Variants in GPR132 observed in about 807,000 individuals in gnomAD.
GPR132 encodes the protein G protein-coupled receptor 132, also known as probable G protein-coupled receptor 132.
A neutral mutation model predicts 1.9 loss-of-function variants in GPR132; 4 were observed. The ratio of observed to expected loss-of-function variants is 2.13; its 90% confidence interval spans 1.05 to 4.87. The LOEUF (loss-of-function observed/expected upper bound fraction) is 4.87. Among genes scored for constraint, GPR132 ranks in the 30% most tolerant of loss-of-function variants. The pLI is 0.01. For missense variants in GPR132, 404 were observed against 512.5 expected (o/e 0.79, Z 2.04); for synonymous variants, 233 against 234.2 (o/e 0.99, Z 0.05).
intron 3 of GPR132, 115 bp from the exon 4 acceptor site, chr14:105,052,217 G>T (rs1595134662): frequency 5.0e-6 from 4 of 792,212 alleles, no homozygotes; most frequent in Non-Finnish European, 5.8e-6. Flanking sequence ...ACACACGCAG[G>T]TGTTTAAAAC....
chr14:105,063,876 G>A (rs972920448), intron 1 of GPR132, among the ~76,000 whole-genome samples: 1 of 150,942 alleles, frequency 6.6e-6, no homozygotes, highest in Non-Finnish European at 1.5e-5. Flanking sequence ...TTTCGCTCTC[G>A]TTGCCCAGGC....
chr14:105,062,536 TTTTC>T (rs1280665644), intron 1 of GPR132, among the ~76,000 whole-genome samples: 5 of 149,116 alleles, frequency 3.4e-5, no homozygotes, highest in South Asian at 2.1e-4. Context: ...TTTTCTTTTC[TTTTC>T]TTTTTTTTTT....
Position 105,059,160 on chromosome 14 carries a change from G to A in GPR132, c.-860-1880C>T, listed in dbSNP as rs1355853340. 1.3e-5 allele frequency among the ~76,000 whole-genome samples: 2 copies of A among 152,224 alleles called. No homozygotes were observed. The highest frequency in any genetic ancestry group is 2.9e-5 in the Non-Finnish European group (2 of 68,036). Reference sequence around the variant, plus strand: ...CCAGGGCAGGGCCGGCCCGGCTGCGGGCAGAGCCCCTACACAGCAAGGCCC... The same window carrying A: ...CCAGGGCAGGGCCGGCCCGGCTGCGAGCAGAGCCCCTACACAGCAAGGCCC... On this transcript the variant is annotated intron_variant, in intron 1 of 3. Coordinates refer to ENST00000329797, the MANE Select transcript of GPR132 (RefSeq NM_013345.4). This position sits in a 1 kb window ranked among gnomAD's most constrained non-coding sequence, Gnocchi z 4.2.
At chr14:105,058,591 T>C (rs1444130994) in intron 1 of GPR132, among the ~76,000 whole-genome samples, 1 of 152,370 alleles carries the variant, frequency 6.6e-6, no homozygotes, top group South Asian at 2.1e-4. Flanking sequence ...GCAATATGTT[T>C]CCAAAAATCT....
Position 105,056,820 on chromosome 14 carries a change from A to G in GPR132, c.-747+347T>C, listed in dbSNP as rs974390013. ...GAAGTAGGGGCAACGGCACCAGGAG[A>G]CGCATGGATGCGGGGGGCTGGTGGT... On this transcript the variant is annotated intron_variant, in intron 2 of 3. Coordinates refer to ENST00000329797, the MANE Select transcript of GPR132 (RefSeq NM_013345.4). This position sits in a 1 kb window ranked among gnomAD's most constrained non-coding sequence, Gnocchi z 6.0. Among the ~76,000 whole-genome samples, 2 of 152,290 alleles carry G rather than the reference A, an allele frequency of 1.3e-5. No individual in the cohort carries two copies. Among genetic ancestry groups the G allele is most frequent in the Middle Eastern group, 6.8e-3 (2 of 294 alleles).
chr14:105,055,721 C>T lies in GPR132; in HGVS notation c.-301G>A, dbSNP rs943343596. ...TTCCTTTCAAAGGCGGGATGGTATT[C>T]CATTGTATTCAGTGTGTCCTCCAGG... On this transcript the variant is annotated 5_prime_UTR_variant, in exon 3 of 4. Coordinates refer to ENST00000329797, the MANE Select transcript of GPR132 (RefSeq NM_013345.4). This position sits in a 1 kb window ranked among gnomAD's most constrained non-coding sequence, Gnocchi z 4.7. The T allele has an allele frequency of 6.2e-6, 3 of 482,014 alleles. No homozygotes were observed. Among genetic ancestry groups the T allele is most frequent in the Non-Finnish European group, 1.1e-5 (3 of 270,002 alleles). 29.9% of individuals were successfully genotyped at this position (482,014 alleles called of 1,614,324 possible). A position where few individuals can be genotyped will look rare whatever the true frequency, so the allele number is the denominator to read the frequency against.
intron 1 of GPR132, chr14:105,058,097 G>GT (rs769328047): frequency 1.3e-5 from 2 of 152,224 alleles, no homozygotes; most frequent in Non-Finnish European, 2.9e-5. Flanking sequence ...GCCAGGTGTG[G>GT]TAACTCATGG....
chr14:105,060,228 G>T lies in GPR132; in HGVS notation c.-860-2948C>A, dbSNP rs923961389. 6.6e-6 allele frequency among the ~76,000 whole-genome samples: 1 copy of T among 152,214 alleles called. No homozygotes were observed. Among genetic ancestry groups the T allele is most frequent in the Non-Finnish European group, 1.5e-5 (1 of 68,038 alleles). On this transcript the variant is annotated intron_variant, in intron 1 of 3. Coordinates refer to ENST00000329797, the MANE Select transcript of GPR132 (RefSeq NM_013345.4). This position sits in a 1 kb window ranked among gnomAD's most constrained non-coding sequence, Gnocchi z 6.3. ...CCCTGTCGTCTGGCTGCTGCGCCCA[G>T]CTCCAAGGCCCAGCAAGAGATGCAG... is the stretch of plus-strand genomic sequence containing the variant.
intron 1 of GPR132, among the ~76,000 whole-genome samples, chr14:105,061,731 C>A (rs960499225): frequency 6.6e-6 from 1 of 151,994 alleles, no homozygotes; most frequent in African/African-American, 2.4e-5. Context: ...AGGAAGCAGG[C>A]ACCACCCTCC....
In GPR132 at chr14:105,059,622, G is replaced by T. The variant is rs1329353474; in HGVS notation, c.-860-2342C>A. Among the ~76,000 whole-genome samples the T allele has an allele frequency of 6.6e-6, 1 of 151,938 alleles. No homozygotes were observed. Among genetic ancestry groups the T allele is most frequent in the Non-Finnish European group, 1.5e-5 (1 of 67,964 alleles). On this transcript the variant is annotated intron_variant, in intron 1 of 3. Coordinates refer to ENST00000329797, the MANE Select transcript of GPR132 (RefSeq NM_013345.4). The surrounding 1 kb of genome is among the most constrained non-coding windows in gnomAD (Gnocchi z 4.2). ...TTGGGAAGCCCCCTCCCTGCTTCGA[G>T]TTGTCCCCACCTTTCTGGACGGAAC...
intron 1 of GPR132, chr14:105,057,508 ATTCTT>A: frequency 6.2e-6 from 1 of 160,558 alleles, no homozygotes; most frequent in Non-Finnish European, 1.2e-5. Flanking sequence ...ACTACATACG[ATTCTT>A]TTTTTTTTTT....
chr14:105,052,547 G>C (rs891171216), intron 3 of GPR132, among the ~76,000 whole-genome samples: 1 of 151,772 alleles, frequency 6.6e-6, no homozygotes, highest in Non-Finnish European at 1.5e-5. Context: ...GGCTGGTCTC[G>C]AATTCCTGAT....
At chr14:105,063,166 C>T (rs566534645) in intron 1 of GPR132, among the ~76,000 whole-genome samples, 7 of 152,280 alleles carry the variant, frequency 4.6e-5, no homozygotes, top group African/African-American at 1.7e-4. Context: ...AGAAATCCGC[C>T]GGCCTCGGTC....
At chr14:105,062,540 C>CTTT (rs59869492) in intron 1 of GPR132, among the ~76,000 whole-genome samples, 12 of 128,682 alleles carry the variant, frequency 9.3e-5, no homozygotes, top group South Asian at 2.5e-4. Context: ...CTTTTCTTTT[C>CTTT]TTTTTTTTTT....
Position 105,056,168 on chromosome 14 carries a change from T to C in GPR132, c.-746-2A>G. ...CGTGTCCCTTGCTCACCTTCCTCCCTGGGCAGAGGGAGAGAGTGGGTGTGA... is the reference window on the plus strand; with the variant it reads ...CGTGTCCCTTGCTCACCTTCCTCCCCGGGCAGAGGGAGAGAGTGGGTGTGA... On this transcript the variant is annotated splice_acceptor_variant, in intron 2 of 3. Transcript: ENST00000329797. LOFTEE classifies it low-confidence loss of function (5UTR_SPLICE). The surrounding 1 kb of genome is among the most constrained non-coding windows in gnomAD (Gnocchi z 6.0). 1.5e-5 allele frequency: 15 copies of C among 986,270 alleles called. No individual in the cohort carries two copies. Among genetic ancestry groups the C allele is most frequent in the Non-Finnish European group, 1.8e-5 (15 of 830,330 alleles). The allele number at this position is 986,270 out of a possible 1,614,324, so 61.1% of individuals were successfully genotyped here. A position where few individuals can be genotyped will look rare whatever the true frequency, so the allele number is the denominator to read the frequency against.
At chr14:105,053,879 TA>T in intron 3 of GPR132, 1 of 1,093,682 alleles carries the variant, frequency 9.1e-7, no homozygotes, top group Non-Finnish European at 1.1e-6. Context: ...CAAAAGTCCT[TA>T]AATGTGGGAG....
At chr14:105,053,979 G>A (rs1325089054) in intron 3 of GPR132, 3 of 1,237,704 alleles carry the variant, frequency 2.4e-6, no homozygotes, top group Admixed American at 5.4e-5. Context: ...TTCCAGCCAG[G>A]GGGTTGCTAG....
chr14:105,054,211 CCCCGGGCGGGGCAA>C, intron 3 of GPR132: 1 of 1,208,078 alleles, frequency 8.3e-7, no homozygotes, highest in East Asian at 6.5e-5. Flanking sequence ...GCCACAGCAG[CCCCGGGCGGGGCAA>C]ACTTCAGCTG....
In GPR132 at chr14:105,060,788, G is replaced by T. The variant is rs765782473; in HGVS notation, c.-860-3508C>A. ...GTCCAGGGCTGTGCCGCCCAGTCAC[G>T]CCAATGCCAGCCGGCAACCCTGGGT... On this transcript the variant is annotated intron_variant, in intron 1 of 3. Transcript: ENST00000329797. The surrounding 1 kb of genome is among the most constrained non-coding windows in gnomAD (Gnocchi z 6.3). 6.6e-6 allele frequency among the ~76,000 whole-genome samples: 1 copy of T among 152,198 alleles called. No homozygotes were observed. Among genetic ancestry groups the T allele is most frequent in the African/African-American group, 2.4e-5 (1 of 41,458 alleles).
Sources: gnomAD v4.1 joint callset for allele counts (sites outside exome capture counted in the v4.1 genomes callset) on GRCh38, gnomAD v4.1.1 for gene constraint, Gnocchi (gnomAD v3.1) non-coding constraint, MANE v1.5 for transcripts, NCBI Gene and HGNC (gene_info 2026-07-23, HGNC 2026-07-21) for gene names.